Variants in GRM7 observed in about 807,000 individuals in gnomAD.
The protein encoded by GRM7 is metabotropic glutamate receptor 7.
GRM7 carries 35 observed loss-of-function variants against 84.5 expected under a neutral mutation model. The observed-to-expected ratio is 0.41, with a 90% confidence interval of 0.32 to 0.55. GRM7 has a LOEUF of 0.55. GRM7 is among the 20% of genes least tolerant of loss of function. The pLI, the probability that GRM7 is intolerant of heterozygous loss-of-function variation, is 0.19. For synonymous variants in GRM7, 487 were observed against 455.1 expected (o/e 1.07, Z -0.89); for missense variants, 1,003 against 1,194.6 (o/e 0.84, Z 2.36).
intron 1 of GRM7, among the ~76,000 whole-genome samples, chr3:6,920,186 G>C (rs1394842427): frequency 1.3e-5 from 2 of 152,038 alleles, no homozygotes; most frequent in Non-Finnish European, 2.9e-5. Flanking sequence ...ATTTATAGAA[G>C]AGTTTTGAGA....
intron 4 of GRM7, among the ~76,000 whole-genome samples, chr3:7,373,750 C>T (rs1458858955): frequency 6.6e-6 from 1 of 150,694 alleles, no homozygotes. Context: ...ATGTGGCCAG[C>T]ATCTCTGGGA....
At chr3:7,526,954 G>A (rs1001450875) in intron 7 of GRM7, among the ~76,000 whole-genome samples, 2 of 151,978 alleles carry the variant, frequency 1.3e-5, no homozygotes, top group Admixed American at 1.3e-4. Context: ...TTGAAGTCAG[G>A]TGATGTGATT....
intron 1 of GRM7, among the ~76,000 whole-genome samples, chr3:6,900,255 G>A (rs1265260153): frequency 2.6e-5 from 4 of 152,168 alleles, no homozygotes; most frequent in Non-Finnish European, 5.9e-5. Context: ...GGGCTGACAT[G>A]TGAACAGCAG....
At chr3:7,431,260 CAA>C (rs1488274839) in intron 5 of GRM7, among the ~76,000 whole-genome samples, 2 of 152,076 alleles carry the variant, frequency 1.3e-5, no homozygotes, top group Non-Finnish European at 2.9e-5. Context: ...ATATATGCAA[CAA>C]AATGAATAAA....
chr3:7,399,708 C>G (rs906912014), intron 4 of GRM7, among the ~76,000 whole-genome samples: 8 of 152,120 alleles, frequency 5.3e-5, no homozygotes, highest in Non-Finnish European at 1.5e-5. Context: ...TTAGTTCCCT[C>G]AGAATTCTCA....
intron 4 of GRM7, among the ~76,000 whole-genome samples, chr3:7,404,751 T>A (rs917783542): frequency 3.3e-5 from 5 of 151,950 alleles, no homozygotes; most frequent in African/African-American, 1.2e-4. Context: ...GTTGGTCCAG[T>A]TGGAGATCAT....
chr3:7,592,648 C>T (rs1442458345), intron 8 of GRM7, among the ~76,000 whole-genome samples: 1 of 152,172 alleles, frequency 6.6e-6, no homozygotes. Flanking sequence ...CTCCCAAATA[C>T]ATTAATTTCA....
chr3:7,389,281 G>T lies in GRM7; in HGVS notation c.1034-25742G>T, dbSNP rs1449396179. ...TGATTTTTTGAACTTATTGAGAATT[G>T]CTTTATGACTGAGAAAATGGTAAAT... On this transcript the variant is annotated intron_variant, in intron 4 of 9. Coordinates refer to ENST00000357716, the MANE Select transcript of GRM7 (RefSeq NM_000844.4). 2.6e-5 allele frequency among the ~76,000 whole-genome samples: 4 copies of T among 152,040 alleles called. No individual in the cohort carries two copies. The East Asian group carries it at 7.7e-4, about 29-fold the overall frequency.
chr3:7,642,809 T>A (rs1698424088), intron 8 of GRM7, among the ~76,000 whole-genome samples: 1 of 152,036 alleles, frequency 6.6e-6, no homozygotes, highest in African/African-American at 2.4e-5. Flanking sequence ...GATGAATAAA[T>A]CAGAAAAATC....
At chr3:7,402,342 T>C (rs563963369) in intron 4 of GRM7, among the ~76,000 whole-genome samples, 64 of 152,310 alleles carry the variant, frequency 4.2e-4, no homozygotes, top group Admixed American at 3.9e-3. Context: ...TGTCTAAAAG[T>C]GTAAGAGGTC....
chr3:7,361,398 C>T (rs551138744), intron 4 of GRM7, among the ~76,000 whole-genome samples: 1 of 152,194 alleles, frequency 6.6e-6, no homozygotes, highest in South Asian at 2.1e-4. Context: ...ATGTCCTAAC[C>T]ATATTTTATT....
At chr3:7,718,772 C>A (rs926828927) in intron 9 of GRM7, among the ~76,000 whole-genome samples, 1 of 152,186 alleles carries the variant, frequency 6.6e-6, no homozygotes, top group Non-Finnish European at 1.5e-5. Flanking sequence ...CTTCAGGAAA[C>A]AACTCCCTGG....
chr3:7,666,027 A>G (rs1435402311), intron 8 of GRM7, among the ~76,000 whole-genome samples: 1 of 152,114 alleles, frequency 6.6e-6, no homozygotes, highest in Non-Finnish European at 1.5e-5. Flanking sequence ...CTAGTGGGAG[A>G]GTAGGACTTG....
At chr3:7,564,436 C>G (rs1694166629) in intron 7 of GRM7, among the ~76,000 whole-genome samples, 1 of 152,066 alleles carries the variant, frequency 6.6e-6, no homozygotes, top group African/African-American at 2.4e-5. Flanking sequence ...ATTATCTAGT[C>G]CATCAAAACA....
chr3:7,316,329 C>G (rs1013898493), intron 4 of GRM7, among the ~76,000 whole-genome samples: 4 of 151,972 alleles, frequency 2.6e-5, no homozygotes, highest in African/African-American at 9.7e-5. Flanking sequence ...GTCTTATGTA[C>G]TTAAAGGATC....
intron 2 of GRM7, among the ~76,000 whole-genome samples, chr3:7,190,907 A>G (rs1695690333): frequency 6.6e-6 from 1 of 151,986 alleles, no homozygotes; most frequent in Admixed American, 6.6e-5. Flanking sequence ...AGCATCTAAA[A>G]CCATTTCCCA....
intron 1 of GRM7, among the ~76,000 whole-genome samples, chr3:7,131,933 C>T (rs1693615474): frequency 6.6e-6 from 1 of 152,190 alleles, no homozygotes; most frequent in Non-Finnish European, 1.5e-5. Context: ...ATGGACTCTA[C>T]CCTCAAGCTA....
intron 7 of GRM7, among the ~76,000 whole-genome samples, chr3:7,466,636 A>G (rs1698470010): frequency 6.6e-6 from 1 of 152,228 alleles, no homozygotes; most frequent in Non-Finnish European, 1.5e-5. Flanking sequence ...AATATGCCAA[A>G]ATGTCAATTA....
intron 2 of GRM7, among the ~76,000 whole-genome samples, chr3:7,162,855 G>C (rs1220064525): frequency 7.0e-6 from 1 of 142,780 alleles, no homozygotes; most frequent in African/African-American, 2.6e-5. Context: ...CACCTCCTGG[G>C]TTCAAGCGAT....
Sources: gnomAD v4.1 joint callset for allele counts (sites outside exome capture counted in the v4.1 genomes callset) on GRCh38, gnomAD v4.1.1 for gene constraint, MANE v1.5 for transcripts, NCBI Gene and HGNC (gene_info 2026-07-23, HGNC 2026-07-21) for gene names.